The following BTBD16 variants were observed in gnomAD, a reference collection of about 807,000 sequenced individuals.
BTBD16 encodes the protein BTB domain containing 16.
In BTBD16, 66 loss-of-function variants were observed where a neutral mutation model predicts 67.4. That is an observed-to-expected ratio of 0.98 (90% CI 0.80 to 1.20). BTBD16 has a LOEUF of 1.20. Among genes scored for constraint, BTBD16 ranks in the 50% most tolerant of loss-of-function variants. BTBD16 has a pLI of 0.00. For synonymous variants in BTBD16, 242 were observed against 236.4 expected, an observed-to-expected ratio of 1.02 and a Z score of -0.22; for missense variants, 634 against 616.0, an observed-to-expected ratio of 1.03 and a Z score of -0.31.
rs577634994 is a variant in BTBD16, at chr10:122,275,475, C to CA, written c.18+377dup. Among the ~76,000 whole-genome samples the CA allele has an allele frequency of 8.3e-4, 127 of 152,344 alleles. 2 individuals are homozygous for CA. The South Asian group carries it at 0.025, about 31-fold the overall frequency. On this transcript the variant is annotated intron_variant, in intron 2 of 15. Coordinates refer to ENST00000260723, the MANE Select transcript of BTBD16 (RefSeq NM_144587.5). ...ATATCCCCACAATCCCCACCATCGCCATCCTCACTGTCGTTGTCACGATAA... is the reference window on the plus strand; with the variant it reads ...ATATCCCCACAATCCCCACCATCGCCAATCCTCACTGTCGTTGTCACGATAA...
intron 7 of BTBD16, among the ~76,000 whole-genome samples, chr10:122,291,859 G>A (rs1442178932): frequency 1.3e-5 from 2 of 152,186 alleles, no homozygotes; most frequent in African/African-American, 4.8e-5. Context: ...CCCATCGGGA[G>A]GGTTCATCAG....
At chr10:122,331,309 T>C in intron 12 of BTBD16, 51 bp downstream of exon 12, 2 of 1,600,106 alleles carry the variant, frequency 1.2e-6, no homozygotes, top group South Asian at 1.1e-5. Context: ...ATTGCCTCTC[T>C]GACTTTGTTT....
Position 122,331,198 on chromosome 10 carries a change from G to T in BTBD16, c.1026G>T (p.Arg342=). 6.2e-7 allele frequency: 1 copy of T among 1,612,858 alleles called. No individual in the cohort carries two copies. The highest frequency in any genetic ancestry group is 8.5e-7 in the Non-Finnish European group (1 of 1,179,470). Residue 342 remains arginine (R), a synonymous_variant, in exon 12 of 16, where the codon CGG becomes CGT. Coordinates refer to ENST00000260723, the MANE Select transcript of BTBD16 (RefSeq NM_144587.5). ...ITKGKDLEVL[R]HLNFFPESWL... ...CAGGCAAGGATCTGGAGGTGCTGCG[G>T]CACCTTAACTTCTTCCCAGAGTCAT...
intron 4 of BTBD16, among the ~76,000 whole-genome samples, chr10:122,284,554 G>A (rs1179456550): frequency 6.6e-6 from 1 of 152,070 alleles, no homozygotes; most frequent in Non-Finnish European, 1.5e-5. Flanking sequence ...TGACTTGGAC[G>A]TTCACAGCTG....
intron 9 of BTBD16, among the ~76,000 whole-genome samples, chr10:122,300,852 G>C (rs569670236): frequency 1.3e-5 from 2 of 152,126 alleles, no homozygotes; most frequent in Non-Finnish European, 2.9e-5. Context: ...AGAAAATGAG[G>C]GTTTACTCAT....
chr10:122,302,825 GT>G (rs2096396673), intron 9 of BTBD16, among the ~76,000 whole-genome samples: 1 of 152,178 alleles, frequency 6.6e-6, no homozygotes, highest in African/African-American at 2.4e-5. Flanking sequence ...TACTGTTGGT[GT>G]TTCTTGCCTG....
rs1011224482 is a variant in BTBD16, at chr10:122,303,008, G to A, written c.791+3874G>A. Reference sequence around the variant, plus strand: ...CCTTATTGATGGTCAAGAACAATAGGAATATTAATATTTTTACTGTTAAAA... The same window carrying A: ...CCTTATTGATGGTCAAGAACAATAGAAATATTAATATTTTTACTGTTAAAA... On this transcript the variant is annotated intron_variant, in intron 9 of 15. Transcript: ENST00000260723. Among the ~76,000 whole-genome samples, 4 of 151,976 alleles carry A rather than the reference G, an allele frequency of 2.6e-5. No individual in the cohort carries two copies. In the South Asian group the frequency reaches 8.3e-4, roughly 32 times the overall value.
At chr10:122,291,361 C>CCTGTTAGTGTGA in intron 7 of BTBD16, 167 bp downstream of exon 7, 15 of 820,258 alleles carry the variant, frequency 1.8e-5, no homozygotes, top group Non-Finnish European at 2.5e-5. Flanking sequence ...CACTAATTCA[C>CCTGTTAGTGTGA]ACTAACAGGT....
intron 8 of BTBD16, 36 bp downstream of exon 8, chr10:122,297,873 G>C (rs13377142): frequency 4.6e-5 from 73 of 1,602,842 alleles, no homozygotes; most frequent in Admixed American, 1.7e-4. Context: ...TCGCCCCTTG[G>C]GGGGGCCTTC....
intron 10 of BTBD16, among the ~76,000 whole-genome samples, chr10:122,312,089 T>C (rs2096414709): frequency 6.6e-6 from 1 of 152,200 alleles, no homozygotes; most frequent in Non-Finnish European, 1.5e-5. Flanking sequence ...ACATGTCTTG[T>C]GGTACACATA....
intron 3 of BTBD16, among the ~76,000 whole-genome samples, chr10:122,280,218 T>C (rs1322438051): frequency 6.6e-6 from 1 of 152,228 alleles, no homozygotes; most frequent in Admixed American, 6.5e-5. Context: ...TTATATGACA[T>C]GATTCATGTA....
Position 122,275,047 on chromosome 10 carries a change from G to C in BTBD16, c.-35G>C. 6.2e-7 allele frequency: 1 copy of C among 1,613,020 alleles called. No homozygotes were observed. The highest frequency in any genetic ancestry group is 8.5e-7 in the Non-Finnish European group (1 of 1,179,152). On this transcript the variant is annotated 5_prime_UTR_variant, in exon 2 of 16. Coordinates refer to ENST00000260723, the MANE Select transcript of BTBD16 (RefSeq NM_144587.5). ...ACCTCTTTTGTCTTCTAGGTTGCTTGTCTTTTCTCTCCTGCGTAATTTCCA... is the reference window on the plus strand; with the variant it reads ...ACCTCTTTTGTCTTCTAGGTTGCTTCTCTTTTCTCTCCTGCGTAATTTCCA...
chr10:122,290,538 T>C (rs1296889424), intron 6 of BTBD16, among the ~76,000 whole-genome samples: 1 of 152,162 alleles, frequency 6.6e-6, no homozygotes, highest in Non-Finnish European at 1.5e-5. Context: ...TCAGCACTCG[T>C]TGGGCCATTT....
At chr10:122,291,553 A>C (rs1564970626) in intron 7 of BTBD16, 1 of 168,320 alleles carries the variant, frequency 5.9e-6, no homozygotes, top group Non-Finnish European at 1.3e-5. Flanking sequence ...TGGCTAAAAG[A>C]AAAAAAAAAT....
At chr10:122,320,042 A>C (rs1266217491) in intron 10 of BTBD16, among the ~76,000 whole-genome samples, 2 of 152,082 alleles carry the variant, frequency 1.3e-5, no homozygotes, top group Non-Finnish European at 2.9e-5. Flanking sequence ...ATTTTTTTAC[A>C]TTGACTTTGT....
intron 3 of BTBD16, among the ~76,000 whole-genome samples, chr10:122,281,287 A>G (rs1273913076): frequency 6.6e-6 from 1 of 152,182 alleles, no homozygotes; most frequent in African/African-American, 2.4e-5. Flanking sequence ...TAGGTTTTGC[A>G]GAGTCTTTTG....
At chr10:122,324,326 G>A (rs2096440690) in intron 10 of BTBD16, among the ~76,000 whole-genome samples, 1 of 152,188 alleles carries the variant, frequency 6.6e-6, no homozygotes, top group South Asian at 2.1e-4. Context: ...GGGACCGCAG[G>A]GGGAAACTTT....
chr10:122,314,810 A>G (rs994221899), intron 10 of BTBD16, among the ~76,000 whole-genome samples: 5 of 152,146 alleles, frequency 3.3e-5, no homozygotes, highest in Non-Finnish European at 7.3e-5. Context: ...TACTAGATTT[A>G]TCTCTTTCTC....
intron 9 of BTBD16, among the ~76,000 whole-genome samples, chr10:122,304,045 AG>A (rs1205452697): frequency 3.3e-5 from 5 of 152,170 alleles, no homozygotes; most frequent in African/African-American, 1.2e-4. Context: ...TCTGGGCTTG[AG>A]GACCTCAGGT....
Sources: gnomAD v4.1 joint callset for allele counts (sites outside exome capture counted in the v4.1 genomes callset) on GRCh38, gnomAD v4.1.1 for gene constraint, MANE v1.5 for transcripts, NCBI Gene and HGNC (gene_info 2026-07-23, HGNC 2026-07-21) for gene names.